DGKZ: variants seen among roughly 807,000 people sequenced by gnomAD.
The protein encoded by DGKZ is DAG kinase zeta.
In DGKZ, 45 loss-of-function variants were observed where a neutral mutation model predicts 142.5. The ratio of observed to expected loss-of-function variants is 0.32; its 90% CI spans 0.25 to 0.40. The LOEUF (loss-of-function observed/expected upper bound fraction) is 0.40. Ranked by LOEUF, DGKZ falls within the 10% of genes least tolerant of loss-of-function variation. The probability of loss-of-function intolerance (pLI) is 1.00; values close to 1 mark genes in which losing one functional copy is unlikely to be tolerated. For missense variants in DGKZ, 755 were observed against 1,306.5 expected, an observed-to-expected ratio of 0.58 and a Z score of 6.51; for synonymous variants, 442 against 527.0, an observed-to-expected ratio of 0.84 and a Z score of 2.21.
chr11:46,333,520 G>C (rs1406220263), intron 1 of DGKZ: 3 of 1,527,692 alleles, frequency 2.0e-6, no homozygotes, highest in African/African-American at 1.4e-5. Context: ...GGAGCGCGGC[G>C]CTTGGGACCA....
exon 15 of DGKZ, chr11:46,374,198 T>C: frequency 1.2e-6 from 2 of 1,614,182 alleles, no homozygotes; most frequent in Non-Finnish European, 1.7e-6. Flanking sequence ...GCCTGGGCTT[T>C]GACGCCCACG....
At chr11:46,373,179 G>A (rs1039997974) in intron 14 of DGKZ, 78 bp downstream of exon 14, 4 of 1,455,940 alleles carry the variant, frequency 2.7e-6, no homozygotes, top group Non-Finnish European at 3.6e-6. Flanking sequence ...CTGGTTCTGG[G>A]ACCTCGGGCG....
intron 26 of DGKZ, 46 bp downstream of exon 26, chr11:46,378,275 G>T (rs762137142): frequency 2.3e-5 from 36 of 1,583,720 alleles, no homozygotes; most frequent in Admixed American, 3.5e-5. Context: ...CTGGTTGGGG[G>T]CAGGAGGCTC....
At chr11:46,337,747 G>A (rs1198641197) in intron 1 of DGKZ, among the ~76,000 whole-genome samples, 3 of 151,668 alleles carry the variant, frequency 2.0e-5, no homozygotes, top group African/African-American at 4.9e-5. Context: ...AGAAGCCGAA[G>A]GAAAAAGAGA....
At chr11:46,364,709 T>G (rs1359766759) in intron 1 of DGKZ, 1 of 985,340 alleles carries the variant, frequency 1.0e-6, no homozygotes, top group Non-Finnish European at 1.2e-6. Context: ...GAGAAGGTGC[T>G]AGACGTGCGG....
Position 46,367,857 on chromosome 11 carries a change from C to A in DGKZ, c.366+110C>A. On this transcript the variant is annotated intron_variant, in intron 3 of 30. Coordinates refer to ENST00000527911, the Ensembl canonical transcript of DGKZ. The surrounding 1 kb of genome is among the most constrained non-coding windows in gnomAD (Gnocchi z 4.1). ...CCTGGCACCCCTGCTGTGGGCCGCCCCAGGATGGTGAGGGGTGCAGGGGCT... is the reference window on the plus strand; with the variant it reads ...CCTGGCACCCCTGCTGTGGGCCGCCACAGGATGGTGAGGGGTGCAGGGGCT... 6.5e-7 allele frequency: 1 copy of A among 1,530,096 alleles called. No homozygotes were observed. Among genetic ancestry groups the A allele is most frequent in the African/African-American group, 1.4e-5 (1 of 73,318 alleles). 94.8% of individuals were successfully genotyped at this position (1,530,096 alleles called of 1,614,324 possible). A position where few individuals can be genotyped will look rare whatever the true frequency, so the allele number is the denominator to read the frequency against.
Position 46,372,352 on chromosome 11 carries a change from C to A in DGKZ, c.928-76C>A. On this transcript the variant is annotated intron_variant, in intron 10 of 30. Coordinates refer to ENST00000527911, the Ensembl canonical transcript of DGKZ. The surrounding 1 kb of genome is among the most constrained non-coding windows in gnomAD (Gnocchi z 5.9). ...CCTTATTGGCCCTGGTTCCCACAGTCACACCCCTCTCCCTCTGCTGCTCCC... is the reference window on the plus strand; with the variant it reads ...CCTTATTGGCCCTGGTTCCCACAGTAACACCCCTCTCCCTCTGCTGCTCCC... The A allele has an allele frequency of 6.6e-7, 1 of 1,523,026 alleles. No homozygotes were observed. Among genetic ancestry groups the A allele is most frequent in the Non-Finnish European group, 9.1e-7 (1 of 1,100,736 alleles). 94.3% of individuals were successfully genotyped at this position (1,523,026 alleles called of 1,614,324 possible). A position where few individuals can be genotyped will look rare whatever the true frequency, so the allele number is the denominator to read the frequency against.
chr11:46,374,868 G>A, intron 18 of DGKZ, 29 bp downstream of exon 18: 4 of 1,582,484 alleles, frequency 2.5e-6, no homozygotes, highest in South Asian at 2.3e-5. Flanking sequence ...GAGCTGGGGG[G>A]AGCCCTGCTG....
upstream of DGKZ, chr11:46,345,635 A>G: frequency 1.4e-6 from 2 of 1,454,794 alleles, no homozygotes; most frequent in South Asian, 2.8e-5. This position sits in a 1 kb window ranked among gnomAD's most constrained non-coding sequence, Gnocchi z 4.1. Context: ...CTGTCCCTCT[A>G]TGAGCCTTTT....
At chr11:46,357,877 C>T (rs1223613588) in intron 1 of DGKZ, among the ~76,000 whole-genome samples, 7 of 152,186 alleles carry the variant, frequency 4.6e-5, no homozygotes, top group African/African-American at 1.7e-4. Context: ...CCAGGTGCGG[C>T]GGCACAGCAG....
In DGKZ at chr11:46,372,722, A is replaced by G; in HGVS notation, c.1071+45A>G. ...CAGCCGAGCACCAGGGCTGGGCCTG[A>G]AGCCGGGGTCCCTGTGGGCCTGATT... is the stretch of plus-strand genomic sequence containing the variant. On this transcript the variant is annotated intron_variant, in intron 12 of 30. Coordinates refer to ENST00000527911, the Ensembl canonical transcript of DGKZ. This position sits in a 1 kb window ranked among gnomAD's most constrained non-coding sequence, Gnocchi z 5.9. 1.9e-6 allele frequency: 3 copies of G among 1,611,694 alleles called. No homozygotes were observed. The highest frequency in any genetic ancestry group is 1.7e-5 in the Admixed American group (1 of 59,870).
Position 46,369,935 on chromosome 11 carries a change from C to T in DGKZ, c.502-6C>T. On this transcript the variant is annotated splice_polypyrimidine_tract_variant and splice_region_variant and intron_variant, in intron 5 of 30. Coordinates refer to ENST00000527911, the Ensembl canonical transcript of DGKZ. ...ACCCAGTGAAATTTTTCCCCTTCTCCCCCAGCCAACCTTTGTACGGCACCA... is the reference window on the plus strand; with the variant it reads ...ACCCAGTGAAATTTTTCCCCTTCTCTCCCAGCCAACCTTTGTACGGCACCA... 1 of 1,613,962 alleles carries T rather than the reference C, an allele frequency of 6.2e-7. No individual in the cohort carries two copies. Among genetic ancestry groups the T allele is most frequent in the Non-Finnish European group, 8.5e-7 (1 of 1,180,038 alleles).
Position 46,347,830 on chromosome 11 carries a change from G to A in DGKZ, c.161+10G>A. On this transcript the variant is annotated intron_variant, in intron 1 of 30. Coordinates refer to ENST00000527911, the Ensembl canonical transcript of DGKZ. This position sits in a 1 kb window ranked among gnomAD's most constrained non-coding sequence, Gnocchi z 6.4. The stretch of plus-strand genomic sequence containing the variant: ...GGCTCTTCGGGCACAGGTGAGCGGG[G>A]CGGCGGCGGGGCAGGCACCGAGGCA... 1 of 1,276,262 alleles carries A rather than the reference G, an allele frequency of 7.8e-7. No individual in the cohort carries two copies. The highest frequency in any genetic ancestry group is 2.4e-5 in the South Asian group (1 of 42,146). 79.1% of individuals were successfully genotyped at this position (1,276,262 alleles called of 1,614,324 possible). A position where few individuals can be genotyped will look rare whatever the true frequency, so the allele number is the denominator to read the frequency against.
At chr11:46,343,803 A>G (rs1590381985), upstream of DGKZ, among the ~76,000 whole-genome samples, 1 of 152,142 alleles carries the variant, frequency 6.6e-6, no homozygotes, top group Non-Finnish European at 1.5e-5. Flanking sequence ...CTATTCTCCC[A>G]GGTAAGTCAC....
chr11:46,353,093 G>C (rs936852626), intron 1 of DGKZ, among the ~76,000 whole-genome samples: 1 of 152,218 alleles, frequency 6.6e-6, no homozygotes, highest in African/African-American at 2.4e-5. Context: ...CAGCTCCTCT[G>C]TCTTTGGTGA....
In DGKZ at chr11:46,356,249, G is replaced by T. The variant is rs1438336632; in HGVS notation, c.161+8429G>T. 2.0e-5 allele frequency among the ~76,000 whole-genome samples: 3 copies of T among 152,160 alleles called. No individual in the cohort carries two copies. In the East Asian group the frequency reaches 5.8e-4, roughly 29 times the overall value. ...ATTCCCATCAGGGATCGGTTTCAGT[G>T]TTGCCTCTGAGACACCAGAGCTCAG... On this transcript the variant is annotated intron_variant, in intron 1 of 30. Coordinates refer to ENST00000527911, the Ensembl canonical transcript of DGKZ.
In DGKZ at chr11:46,376,931, G is replaced by GGGAC. The variant is rs1363952760; in HGVS notation, c.2203-141_2203-138dup. On this transcript the variant is annotated intron_variant, in intron 24 of 30. Coordinates refer to ENST00000527911, the Ensembl canonical transcript of DGKZ. ...GTCAGGAATGGGAAGGAGTGGGAGA[G>GGGAC]GGACAGGCAGGGCCCCTTGCCTGGC... 15 of 725,414 alleles carry GGGAC rather than the reference G, an allele frequency of 2.1e-5. No individual in the cohort carries two copies. In the East Asian group the frequency reaches 4.0e-4, roughly 20 times the overall value. 44.9% of individuals were successfully genotyped at this position (725,414 alleles called of 1,614,324 possible).
chr11:46,341,010 T>C (rs1174233928), intron 1 of DGKZ, among the ~76,000 whole-genome samples: 1 of 152,164 alleles, frequency 6.6e-6, no homozygotes, highest in Non-Finnish European at 1.5e-5. Flanking sequence ...TTGCCAGGTG[T>C]GGTGGGACAT....
At chr11:46,378,206 A>G in exon 26 of DGKZ, 4 of 1,609,554 alleles carry the variant, frequency 2.5e-6, no homozygotes, top group East Asian at 2.2e-5. Flanking sequence ...AGGTCACTGC[A>G]AGGGGATGCT....
Sources: gnomAD v4.1 joint callset for allele counts (sites outside exome capture counted in the v4.1 genomes callset) on GRCh38, gnomAD v4.1.1 for gene constraint, Gnocchi (gnomAD v3.1) non-coding constraint, MANE v1.5 for transcripts, NCBI Gene and HGNC (gene_info 2026-07-23, HGNC 2026-07-21) for gene names.